The following FNBP4 variants were observed in gnomAD, a reference collection of about 807,000 sequenced individuals.
FNBP4 encodes formin-binding protein 4.
Under a neutral mutation model 119.3 loss-of-function variants are expected in FNBP4, and 34 were observed. That is an observed-to-expected ratio of 0.28 (90% CI 0.22 to 0.38). The LOEUF (loss-of-function observed/expected upper bound fraction) is 0.38, where lower values mean the gene tolerates loss of function less well. Among genes scored for constraint, FNBP4 ranks in the 10% least tolerant of loss-of-function variants. The pLI is 1.00. For synonymous variants in FNBP4, 462 were observed against 430.6 expected, an observed-to-expected ratio of 1.07 and a Z score of -0.90; for missense variants, 1,112 against 1,228.9, an observed-to-expected ratio of 0.90 and a Z score of 1.42.
At chr11:47,752,232 T>C (rs2097605438) in intron 4 of FNBP4, among the ~76,000 whole-genome samples, 1 of 151,078 alleles carries the variant, frequency 6.6e-6, no homozygotes, top group Non-Finnish European at 1.5e-5. Context: ...GAGACCAGCT[T>C]TGCCAACATC....
At chr11:47,720,323 C>T (rs1565117765) in intron 15 of FNBP4, among the ~76,000 whole-genome samples, 1 of 152,106 alleles carries the variant, frequency 6.6e-6, no homozygotes, top group African/African-American at 2.4e-5. Context: ...AATCCCAGCA[C>T]TTTGGGAGGC....
rs749809190 is a variant in FNBP4, at chr11:47,731,393, T to G, written c.1989A>C (p.Glu663Asp). 1.2e-6 allele frequency: 2 copies of G among 1,612,908 alleles called. No individual in the cohort carries two copies. Among genetic ancestry groups the G allele is most frequent in the Non-Finnish European group, 8.5e-7 (1 of 1,179,642 alleles). Residue 663 changes from glutamate to aspartate, a missense_variant, in exon 12 of 17, where the codon GAA becomes GAC. Physicochemically the swap from Glu to Asp is conservative, Grantham distance 45 (BLOSUM62 2). This residue lies in a region of FNBP4 where 826 missense variants were observed against 988.8 expected (regional missense o/e 0.84). Transcript: ENST00000263773. Reference protein sequence around the residue: ...DKTGTDSNSTESSETSTGSLC... With the variant: ...DKTGTDSNSTDSSETSTGSLC... ...TCTCACCTGTGGAAGTTTCAGAGGA[T>G]TCTGTTGAATTTGAATCAGTGCCAG...
chr11:47,752,443 A>T (rs2097606019), intron 4 of FNBP4, among the ~76,000 whole-genome samples: 1 of 148,818 alleles, frequency 6.7e-6, no homozygotes, highest in South Asian at 2.1e-4. Flanking sequence ...AAAAAAAACA[A>T]TTAAATAAAT....
chr11:47,741,830 A>T (rs1416932955), intron 8 of FNBP4, among the ~76,000 whole-genome samples: 1 of 152,152 alleles, frequency 6.6e-6, no homozygotes, highest in Non-Finnish European at 1.5e-5. Context: ...AAAATAAAAA[A>T]ATAAAGAATG....
chr11:47,719,806 A>C, intron 16 of FNBP4, 123 bp downstream of exon 16: 1 of 1,029,164 alleles, frequency 9.7e-7, no homozygotes, highest in South Asian at 2.0e-5. Context: ...ATAAATTTAC[A>C]AGCTGTGATT....
At chr11:47,758,296 G>C (rs1042315104) in intron 2 of FNBP4, among the ~76,000 whole-genome samples, 1 of 152,012 alleles carries the variant, frequency 6.6e-6, no homozygotes, top group Non-Finnish European at 1.5e-5. Context: ...GGCTCATCTC[G>C]AACTCCTGGT....
chr11:47,734,976 AC>A (rs2097571992), intron 9 of FNBP4, among the ~76,000 whole-genome samples: 1 of 119,416 alleles, frequency 8.4e-6, no homozygotes, highest in Non-Finnish European at 1.7e-5. Context: ...CATCACCCCA[AC>A]ACCCCCCCCC....
intron 8 of FNBP4, among the ~76,000 whole-genome samples, chr11:47,741,912 T>C (rs2097582675): frequency 6.6e-6 from 1 of 152,120 alleles, no homozygotes; most frequent in Non-Finnish European, 1.5e-5. Flanking sequence ...ATAGCACAAA[T>C]GCAGCAATTT....
chr11:47,724,809 G>A (rs1319976417), intron 12 of FNBP4, 31 bp from the exon 13 acceptor site: 3 of 1,518,698 alleles, frequency 2.0e-6, no homozygotes, highest in African/African-American at 1.4e-5. Flanking sequence ...CAGGGAAAAA[G>A]CAAGAAAAAA....
intron 1 of FNBP4, among the ~76,000 whole-genome samples, chr11:47,765,664 A>G (rs2097646224): frequency 6.6e-6 from 1 of 151,418 alleles, no homozygotes; most frequent in East Asian, 1.9e-4. Flanking sequence ...AAATAAAAAA[A>G]TTGCTAGGCA....
chr11:47,750,956 C>G lies in FNBP4; in HGVS notation c.866G>C (p.Ser289Thr). Residue 289 changes from serine to threonine, a missense_variant, in exon 6 of 17, where the codon AGT becomes ACT. Around this residue, in one of 2 missense-constraint regions of FNBP4, gnomAD observed 826 missense variants for 988.8 expected, o/e 0.84. Coordinates refer to ENST00000263773, the MANE Select transcript of FNBP4 (RefSeq NM_015308.5). ...CTTGGCTATGACTGGTCCACTTTTACTACTGGAAACAGAAATCGTTTTCTC... is the reference window on the plus strand; with the variant it reads ...CTTGGCTATGACTGGTCCACTTTTAGTACTGGAAACAGAAATCGTTTTCTC... Reference protein sequence around the residue: ...SKEKTISVSSSKSGPVIAKRE... With the variant: ...SKEKTISVSSTKSGPVIAKRE... The G allele has an allele frequency of 6.2e-7, 1 of 1,613,986 alleles. No homozygotes were observed. The highest frequency in any genetic ancestry group is 8.5e-7 in the Non-Finnish European group (1 of 1,179,980).
At chr11:47,742,072 T>C (rs1248354566) in intron 8 of FNBP4, among the ~76,000 whole-genome samples, 2 of 152,144 alleles carry the variant, frequency 1.3e-5, no homozygotes, top group Non-Finnish European at 1.5e-5. Flanking sequence ...ATAATCTATA[T>C]GCTCTCATAT....
At chr11:47,766,928 G>GCCGCCCCGCCTGCAGGC (rs2097648857) in intron 1 of FNBP4, 141 bp downstream of exon 1, 1 of 1,358,360 alleles carries the variant, frequency 7.4e-7, no homozygotes, top group African/African-American at 1.5e-5. Flanking sequence ...GGAGCCCAGG[G>GCCGCCCCGCCTGCAGGC]CCGCCCCGCC....
At chr11:47,729,703 G>C (rs2097565281) in intron 12 of FNBP4, 1 of 985,076 alleles carries the variant, frequency 1.0e-6, no homozygotes, top group Non-Finnish European at 1.2e-6. Flanking sequence ...ATTTTCTGAA[G>C]AGACAGGGCA....
chr11:47,740,403 C>A (rs1599202990), intron 8 of FNBP4, among the ~76,000 whole-genome samples: 1 of 150,600 alleles, frequency 6.6e-6, no homozygotes, highest in East Asian at 2.0e-4. Context: ...CAGAGTGAGA[C>A]CCCGTCTCAA....
rs201392625 is a variant in FNBP4, at chr11:47,732,637, T to C, written c.1720A>G (p.Asn574Asp). 1.1e-5 allele frequency: 17 copies of C among 1,614,112 alleles called. No individual in the cohort carries two copies. The highest frequency in any genetic ancestry group is 6.7e-5 in the East Asian group (3 of 44,886). The change falls in exon 11 of 17, where the codon AAT becomes GAT. Residue 574 changes from asparagine (N) to aspartate (D), a missense_variant. Around this residue, in one of 2 missense-constraint regions of FNBP4, gnomAD observed 826 missense variants for 988.8 expected, o/e 0.84. Transcript: ENST00000263773. The surrounding 1 kb of genome is among the most constrained non-coding windows in gnomAD (Gnocchi z 4.2). ...AGTTTTCGTTTAAGGTAGTTTCCAT[T>C]AAGAGCCCCTTCCCGCCAGTCTGCA... ...RIADWREGAL[N>D]GNYLKRKLQD...
At chr11:47,740,899 T>TTG (rs1173569242) in intron 8 of FNBP4, among the ~76,000 whole-genome samples, 1 of 150,570 alleles carries the variant, frequency 6.6e-6, no homozygotes, top group Non-Finnish European at 1.5e-5. Flanking sequence ...CACATTTTTT[T>TTG]TGTGTGTGTG....
Position 47,734,502 on chromosome 11 carries a change from C to G in FNBP4, c.1582-373G>C, listed in dbSNP as rs760948039. ...AAAGTGCTGAGATTACAGATGTGAG[C>G]CACTGTGCCCAGCCCATCATAATGC... On this transcript the variant is annotated intron_variant, in intron 9 of 16. Coordinates refer to ENST00000263773, the MANE Select transcript of FNBP4 (RefSeq NM_015308.5). Among the ~76,000 whole-genome samples, 184 of 152,184 alleles carry G rather than the reference C, an allele frequency of 1.2e-3. 1 individual carries two copies. Among genetic ancestry groups the G allele is most frequent in the Admixed American group, 5.2e-4 (8 of 15,268 alleles).
chr11:47,750,260 T>C (rs2097599336), intron 6 of FNBP4, among the ~76,000 whole-genome samples: 1 of 151,692 alleles, frequency 6.6e-6, no homozygotes, highest in South Asian at 2.1e-4. Flanking sequence ...GTGCCTGTAA[T>C]GCCAGCTACT....
Sources: gnomAD v4.1 joint callset for allele counts (sites outside exome capture counted in the v4.1 genomes callset) on GRCh38, gnomAD v4.1.1 for gene constraint, gnomAD v4.1.1 regional missense constraint, Gnocchi (gnomAD v3.1) non-coding constraint, MANE v1.5 for transcripts, NCBI Gene and HGNC (gene_info 2026-07-23, HGNC 2026-07-21) for gene names.